The following NTNG2 variants were observed in gnomAD, a reference collection of about 807,000 sequenced individuals.
The protein encoded by NTNG2 is netrin G2, also known as netrin-G2.
NTNG2 carries 15 observed loss-of-function variants against 47.6 expected under a neutral mutation model. That is an observed-to-expected ratio of 0.32 (90% CI 0.21 to 0.49). The LOEUF is 0.49. Among genes scored for constraint, NTNG2 ranks in the 20% least tolerant of loss-of-function variants. The pLI, the probability that NTNG2 is intolerant of heterozygous loss-of-function variation, is 0.99. For missense variants in NTNG2, 578 were observed against 764.6 expected (o/e 0.76, Z 2.88); for synonymous variants, 307 against 324.6 (o/e 0.95, Z 0.58).
At chr9:132,227,647 C>T (rs1194988022) in intron 4 of NTNG2, among the ~76,000 whole-genome samples, 3 of 152,202 alleles carry the variant, frequency 2.0e-5, no homozygotes, top group Non-Finnish European at 2.9e-5. Context: ...GTGTCCTCTA[C>T]GGCCTGCACC....
intron 6 of NTNG2, among the ~76,000 whole-genome samples, chr9:132,240,251 G>C (rs1333057030): frequency 6.6e-6 from 1 of 152,254 alleles, no homozygotes; most frequent in African/African-American, 2.4e-5. Flanking sequence ...AGTGATCAAA[G>C]CCGCTGACGT....
At chr9:132,187,914 T>C (rs936613165) in intron 2 of NTNG2, among the ~76,000 whole-genome samples, 2 of 152,210 alleles carry the variant, frequency 1.3e-5, no homozygotes, top group African/African-American at 4.8e-5. Flanking sequence ...AGCCCACTCC[T>C]GCCCGGTCAT....
rs372031643 is a variant in NTNG2, at chr9:132,182,885, C to G, written c.214-15081C>G. ...TTGCCTGGGAGCTTTTCATTCCCCC[C>G]CTGCCGCAGCTGCCCCCCAGACCAG... is the stretch of plus-strand genomic sequence containing the variant. On this transcript the variant is annotated intron_variant, in intron 2 of 7. Coordinates refer to ENST00000393229, the MANE Select transcript of NTNG2 (RefSeq NM_032536.4). The surrounding 1 kb of genome is among the most constrained non-coding windows in gnomAD (Gnocchi z 4.2). Among the ~76,000 whole-genome samples, 9 of 152,142 alleles carry G rather than the reference C, an allele frequency of 5.9e-5. No homozygotes were observed. The highest frequency in any genetic ancestry group is 2.2e-4 in the African/African-American group (9 of 41,424).
At chr9:132,193,495 G>A (rs887552836) in intron 2 of NTNG2, among the ~76,000 whole-genome samples, 3 of 152,190 alleles carry the variant, frequency 2.0e-5, no homozygotes, top group African/African-American at 7.2e-5. Context: ...CAGGCTCTGA[G>A]GTGGGAGGGG....
intron 7 of NTNG2, 147 bp from the exon 8 acceptor site, chr9:132,241,729 A>C: frequency 1.7e-6 from 1 of 573,638 alleles, no homozygotes; most frequent in Non-Finnish European, 3.0e-6. Flanking sequence ...CCGAGGGGGG[A>C]CGTTTCGCAC....
At position 132,240,903 on chromosome 9, in the gene NTNG2, C is replaced by G. The variant is rs772355340; in HGVS notation, c.1223-7C>G. On this transcript the variant is annotated splice_polypyrimidine_tract_variant and splice_region_variant and intron_variant, in intron 6 of 7. Transcript: ENST00000393229. ...CTGACCGCGCGCCCGTGCCCGTGTC[C>G]GTCCAGAGTGTAACTGCAACCAGAT... 2 of 1,612,710 alleles carry G rather than the reference C, an allele frequency of 1.2e-6. No individual in the cohort carries two copies. The highest frequency in any genetic ancestry group is 1.7e-5 in the Admixed American group (1 of 59,986).
intron 2 of NTNG2, among the ~76,000 whole-genome samples, chr9:132,172,628 G>A (rs1405512940): frequency 6.6e-6 from 1 of 151,776 alleles, no homozygotes; most frequent in African/African-American, 2.4e-5. Flanking sequence ...GACTTGATCA[G>A]TGCCCAGTAA....
chr9:132,234,341 TC>T (rs1406098125), intron 5 of NTNG2, among the ~76,000 whole-genome samples: 1 of 152,200 alleles, frequency 6.6e-6, no homozygotes, highest in Non-Finnish European at 1.5e-5. Context: ...TAGTGCTGTC[TC>T]CAAGGCCTGG....
chr9:132,205,422 C>G (rs1354836875), intron 3 of NTNG2, among the ~76,000 whole-genome samples: 2 of 152,132 alleles, frequency 1.3e-5, no homozygotes, highest in Non-Finnish European at 2.9e-5. Context: ...TTCATAGAGA[C>G]AGAAAGTAGA....
chr9:132,241,859 G>T lies in NTNG2; in HGVS notation c.1358-17G>T. 2 of 1,537,938 alleles carry T rather than the reference G, an allele frequency of 1.3e-6. No individual in the cohort carries two copies. The highest frequency in any genetic ancestry group is 8.7e-7 in the Non-Finnish European group (1 of 1,145,750). On this transcript the variant is annotated splice_polypyrimidine_tract_variant and intron_variant, in intron 7 of 7. Coordinates refer to ENST00000393229, the MANE Select transcript of NTNG2 (RefSeq NM_032536.4). Reference sequence around the variant, plus strand: ...GACCGGGCCACCCCCCGTGCTGACCGCCCCCTCCGCCTGCAGCCAACGTGT... The same window carrying T: ...GACCGGGCCACCCCCCGTGCTGACCTCCCCCTCCGCCTGCAGCCAACGTGT...
At chr9:132,168,117 G>A (rs1333355236) in intron 2 of NTNG2, among the ~76,000 whole-genome samples, 1 of 152,262 alleles carries the variant, frequency 6.6e-6, no homozygotes, top group African/African-American at 2.4e-5. Flanking sequence ...AGGCAGCCCA[G>A]GGGTGACGGG....
intron 5 of NTNG2, among the ~76,000 whole-genome samples, chr9:132,234,899 C>A (rs1267090322): frequency 6.6e-6 from 1 of 152,242 alleles, no homozygotes; most frequent in Non-Finnish European, 1.5e-5. Flanking sequence ...TTTTCTTTCC[C>A]CACAGCCACC....
intron 2 of NTNG2, among the ~76,000 whole-genome samples, chr9:132,176,071 G>T (rs924036260): frequency 6.6e-6 from 1 of 152,084 alleles, no homozygotes; most frequent in African/African-American, 2.4e-5. Flanking sequence ...ACGTTTTGGT[G>T]GGTGCAGTGG....
At chr9:132,240,057 AGTAGAG>A (rs1477847166) in intron 6 of NTNG2, among the ~76,000 whole-genome samples, 1 of 152,264 alleles carries the variant, frequency 6.6e-6, no homozygotes, top group Non-Finnish European at 1.5e-5. Flanking sequence ...CCCTGTCGTC[AGTAGAG>A]GCCAGGTCTC....
At position 132,163,902 on chromosome 9, in the gene NTNG2, G is replaced by A. The variant is rs1051756573; in HGVS notation, c.-484+1663G>A. ...CTCTTAAAAGAAAATAAAGCACATT[G>A]ATTCTATTTGTTTCTGGGAGCTGCA... On this transcript the variant is annotated intron_variant, in intron 1 of 7. Coordinates refer to ENST00000393229, the MANE Select transcript of NTNG2 (RefSeq NM_032536.4). This position sits in a 1 kb window ranked among gnomAD's most constrained non-coding sequence, Gnocchi z 7.2. 1.1e-4 allele frequency among the ~76,000 whole-genome samples: 17 copies of A among 152,192 alleles called. No homozygotes were observed. Among genetic ancestry groups the A allele is most frequent in the African/African-American group, 3.6e-4 (15 of 41,446 alleles).
chr9:132,210,922 A>C (rs1234725390), intron 3 of NTNG2, among the ~76,000 whole-genome samples: 2 of 151,864 alleles, frequency 1.3e-5, no homozygotes, highest in African/African-American at 4.8e-5. Flanking sequence ...GCAGCCATTC[A>C]CTCATCTGTA....
chr9:132,164,083 T>C lies in NTNG2; in HGVS notation c.-484+1844T>C, dbSNP rs58935320. 5.3e-3 allele frequency among the ~76,000 whole-genome samples: 801 copies of C among 152,264 alleles called. 5 individuals are homozygous for C. The highest frequency in any genetic ancestry group is 0.018 in the African/African-American group (758 of 41,550). On this transcript the variant is annotated intron_variant, in intron 1 of 7. Coordinates refer to ENST00000393229, the MANE Select transcript of NTNG2 (RefSeq NM_032536.4). ...CCTGCCTCTCTTCCCCCTTCTCTTT[T>C]TTCTTTTTGGCAGAACCCGCCTGCA...
Position 132,226,780 on chromosome 9 carries a change from T to C in NTNG2, c.858-69T>C. On this transcript the variant is annotated intron_variant, in intron 3 of 7. Transcript: ENST00000393229. The surrounding 1 kb of genome is among the most constrained non-coding windows in gnomAD (Gnocchi z 4.8). Reference sequence around the variant, plus strand: ...CTGGGCCCCTCCTGGGAGGCGCTCCTTTCCCCAGAGGCCAGGCCAGGCTGC... The same window carrying C: ...CTGGGCCCCTCCTGGGAGGCGCTCCCTTCCCCAGAGGCCAGGCCAGGCTGC... 1 of 1,407,766 alleles carries C rather than the reference T, an allele frequency of 7.1e-7. No individual in the cohort carries two copies. Among genetic ancestry groups the C allele is most frequent in the Non-Finnish European group, 9.5e-7 (1 of 1,058,082 alleles). 87.2% of individuals were successfully genotyped at this position (1,407,766 alleles called of 1,614,324 possible).
chr9:132,164,387 G>C lies in NTNG2; in HGVS notation c.-483-1962G>C, dbSNP rs534991401. ...TCCAGCGCCCTGCAAGCCCCGAGCA[G>C]CCGCGGGTCCTGCAGCTGAAGGAAG... On this transcript the variant is annotated intron_variant, in intron 1 of 7. Transcript: ENST00000393229. Among the ~76,000 whole-genome samples, 779 of 152,272 alleles carry C rather than the reference G, an allele frequency of 5.1e-3. 7 individuals carry two copies. The highest frequency in any genetic ancestry group is 0.018 in the African/African-American group (740 of 41,560).
Sources: allele counts gnomAD v4.1 joint callset (sites outside exome capture counted in the v4.1 genomes callset), GRCh38; gene constraint gnomAD v4.1.1; non-coding constraint Gnocchi (gnomAD v3.1); transcripts MANE v1.5; gene names NCBI Gene and HGNC (gene_info 2026-07-23, HGNC 2026-07-21).